The following DIS3L2 variants were observed in gnomAD, a reference collection of about 807,000 sequenced individuals.
DIS3L2 encodes the protein DIS3 like 3'-5' exoribonuclease 2, also known as DIS3-like exonuclease 2.
DIS3L2 carries 34 observed loss-of-function variants against 97.5 expected under a neutral mutation model. The ratio of observed to expected loss-of-function variants is 0.35; its 90% CI spans 0.27 to 0.46. DIS3L2 has a LOEUF of 0.46. DIS3L2 is among the 20% of genes least tolerant of loss of function. DIS3L2 has a pLI of 1.00. For missense variants in DIS3L2, 1,038 were observed against 1,146.0 expected, an observed-to-expected ratio of 0.91 and a Z score of 1.36; for synonymous variants, 435 against 445.2, an observed-to-expected ratio of 0.98 and a Z score of 0.29.
At chr2:232,249,185 CTT>C in intron 11 of DIS3L2, 52 bp from the exon 12 acceptor site, 1 of 1,563,450 alleles carries the variant, frequency 6.4e-7, no homozygotes, top group East Asian at 2.3e-5. Context: ...GCCCACTGGG[CTT>C]CTCCTAAGCG....
chr2:231,996,223 A>G (rs1378439622), intron 1 of DIS3L2, among the ~76,000 whole-genome samples: 4 of 152,262 alleles, frequency 2.6e-5, no homozygotes, highest in Non-Finnish European at 5.9e-5. Flanking sequence ...TTTCTCAGGA[A>G]GAATGACTTC....
intron 5 of DIS3L2, among the ~76,000 whole-genome samples, chr2:232,077,401 G>C (rs1451787109): frequency 6.6e-6 from 1 of 151,994 alleles, no homozygotes; most frequent in Non-Finnish European, 1.5e-5. Flanking sequence ...GTGTTTGGGA[G>C]TTGGGGGTGA....
intron 13 of DIS3L2, among the ~76,000 whole-genome samples, chr2:232,287,403 C>A (rs1291664047): frequency 1.2e-5 from 1 of 86,474 alleles, no homozygotes; most frequent in Non-Finnish European, 2.3e-5. Context: ...CCCCCCCCCC[C>A]GCTTTTATTA....
intron 5 of DIS3L2, among the ~76,000 whole-genome samples, chr2:232,032,346 T>C (rs868722997): frequency 6.2e-4 from 94 of 152,312 alleles, no homozygotes; most frequent in African/African-American, 2.1e-3. Flanking sequence ...GCCCACTTTT[T>C]GATGGTTTGT....
At chr2:232,079,203 T>C (rs771351563) in intron 5 of DIS3L2, among the ~76,000 whole-genome samples, 4 of 152,162 alleles carry the variant, frequency 2.6e-5, no homozygotes, top group Non-Finnish European at 5.9e-5. Flanking sequence ...GTGAATAGAA[T>C]AGATACCTCT....
chr2:232,149,275 C>T (rs1236616474), intron 8 of DIS3L2, among the ~76,000 whole-genome samples: 1 of 145,950 alleles, frequency 6.9e-6, no homozygotes, highest in Admixed American at 6.8e-5. Context: ...TATACATGTG[C>T]CATGCTGGTG....
At chr2:232,240,482 A>G (rs1022716267) in intron 11 of DIS3L2, among the ~76,000 whole-genome samples, 1 of 152,182 alleles carries the variant, frequency 6.6e-6, no homozygotes, top group African/African-American at 2.4e-5. Flanking sequence ...GGTAATCTCA[A>G]TGCACAGTGA....
intron 5 of DIS3L2, among the ~76,000 whole-genome samples, chr2:232,070,450 C>G (rs1695981174): frequency 6.6e-6 from 1 of 152,122 alleles, no homozygotes; most frequent in Admixed American, 6.6e-5. Context: ...ATATTTATCA[C>G]CTTGCTACTG....
chr2:232,156,289 TA>T (rs1443114449), intron 8 of DIS3L2, among the ~76,000 whole-genome samples: 2 of 152,200 alleles, frequency 1.3e-5, no homozygotes, highest in South Asian at 2.1e-4. Flanking sequence ...TCCTGAGGTC[TA>T]AAAACCTAGT....
chr2:232,306,972 A>G (rs1045621169), intron 14 of DIS3L2, among the ~76,000 whole-genome samples: 4 of 152,170 alleles, frequency 2.6e-5, no homozygotes, highest in Non-Finnish European at 5.9e-5. Flanking sequence ...GTGCCCACCC[A>G]TCTAGGTAAC....
intron 1 of DIS3L2, among the ~76,000 whole-genome samples, chr2:231,982,811 C>T (rs1270063713): frequency 6.6e-6 from 1 of 151,942 alleles, no homozygotes; most frequent in African/African-American, 2.4e-5. Context: ...TCCCAAGTAG[C>T]TGGGATTACA....
rs529785781 is a variant in DIS3L2, at chr2:232,037,662, G to C, written c.366+7582G>C. Reference sequence around the variant, plus strand: ...GTACTTGAAACCCAGGGCCCTTGTGGTATAGGCACCCGAGGGAATCTCCTG... The same window carrying C: ...GTACTTGAAACCCAGGGCCCTTGTGCTATAGGCACCCGAGGGAATCTCCTG... On this transcript the variant is annotated intron_variant, in intron 5 of 20. Transcript: ENST00000325385. This position sits in a 1 kb window ranked among gnomAD's most constrained non-coding sequence, Gnocchi z 4.6. Among the ~76,000 whole-genome samples, 15 of 152,328 alleles carry C rather than the reference G, an allele frequency of 9.8e-5. No homozygotes were observed. The highest frequency in any genetic ancestry group is 2.2e-4 in the Non-Finnish European group (15 of 68,026).
intron 14 of DIS3L2, among the ~76,000 whole-genome samples, chr2:232,327,037 C>G (rs1377634920): frequency 6.6e-6 from 1 of 152,166 alleles, no homozygotes; most frequent in Admixed American, 6.5e-5. Context: ...CTGTCCTTGT[C>G]CTCGTGTTTA....
At chr2:231,963,824 T>A (rs1384000597) in intron 1 of DIS3L2, among the ~76,000 whole-genome samples, 1 of 152,116 alleles carries the variant, frequency 6.6e-6, no homozygotes. Flanking sequence ...GCTCAAGTGA[T>A]CCTCCCACCT....
At chr2:232,255,295 G>T (rs537454023) in intron 12 of DIS3L2, among the ~76,000 whole-genome samples, 2 of 152,336 alleles carry the variant, frequency 1.3e-5, no homozygotes, top group South Asian at 4.1e-4. Context: ...TTGGCGTAAA[G>T]GTTTGGACTT....
chr2:232,217,500 C>A (rs1413737402), intron 10 of DIS3L2, among the ~76,000 whole-genome samples: 1 of 152,186 alleles, frequency 6.6e-6, no homozygotes, highest in East Asian at 1.9e-4. Context: ...GATTGAGCAC[C>A]TGGTCCCACA....
At chr2:232,058,576 C>T (rs1162330625) in intron 5 of DIS3L2, among the ~76,000 whole-genome samples, 1 of 152,166 alleles carries the variant, frequency 6.6e-6, no homozygotes, top group Admixed American at 6.5e-5. Flanking sequence ...ATGTCACTGT[C>T]ACCAATTATC....
chr2:232,300,613 T>G (rs939258968), intron 14 of DIS3L2, among the ~76,000 whole-genome samples: 3 of 151,836 alleles, frequency 2.0e-5, no homozygotes, highest in Non-Finnish European at 4.4e-5. Flanking sequence ...GCACCTTGCA[T>G]ACTTTCATAG....
chr2:232,296,003 C>A (rs139519073), intron 13 of DIS3L2, among the ~76,000 whole-genome samples: 48 of 152,306 alleles, frequency 3.2e-4, no homozygotes, highest in East Asian at 3.1e-3. Context: ...GCTCTCTTAT[C>A]CCTTCAGGTT....
Sources: gnomAD v4.1 joint callset for allele counts (sites outside exome capture counted in the v4.1 genomes callset) on GRCh38, gnomAD v4.1.1 for gene constraint, Gnocchi (gnomAD v3.1) non-coding constraint, MANE v1.5 for transcripts, NCBI Gene and HGNC (gene_info 2026-07-23, HGNC 2026-07-21) for gene names.